CATIP: variants seen among roughly 807,000 people sequenced by gnomAD.
CATIP encodes the protein ciliogenesis-associated TTC17-interacting protein.
Under a neutral mutation model 42.5 loss-of-function variants are expected in CATIP, and 40 were observed. The ratio of observed to expected loss-of-function variants is 0.94; its 90% CI spans 0.73 to 1.22. The LOEUF (loss-of-function observed/expected upper bound fraction) is 1.22, where lower values mean the gene tolerates loss of function less well. CATIP is among the 50% of genes most tolerant of loss of function. CATIP has a pLI of 0.00. For synonymous variants in CATIP, 222 were observed against 200.2 expected, an observed-to-expected ratio of 1.11 and a Z score of -0.92; for missense variants, 489 against 496.0, an observed-to-expected ratio of 0.99 and a Z score of 0.13.
At chr2:218,364,035 G>C (rs879583874) in intron 6 of CATIP, among the ~76,000 whole-genome samples, 10 of 152,070 alleles carry the variant, frequency 6.6e-5, no homozygotes, top group Admixed American at 2.0e-4. Context: ...GAGACACTTT[G>C]GGGGCTGATT....
intron 4 of CATIP, among the ~76,000 whole-genome samples, 186 bp downstream of exon 4, chr2:218,358,278 A>G (rs1214289188): frequency 1.3e-5 from 2 of 152,212 alleles, no homozygotes; most frequent in East Asian, 3.8e-4. Context: ...ATTTTAAAAC[A>G]CGGGGGTGGG....
In CATIP at chr2:218,357,940, A is replaced by T; in HGVS notation, c.320-97A>T. 4 of 1,240,560 alleles carry T rather than the reference A, an allele frequency of 3.2e-6. No homozygotes were observed. The East Asian group carries it at 9.3e-5, about 29-fold the overall frequency. The allele number at this position is 1,240,560 out of a possible 1,614,324, so 76.8% of individuals were successfully genotyped here. ...CATCCTGTAGTTTTTCTGGGACCGTATTACACCTAGTCCTCCAGCTGCGCC... is the reference window on the plus strand; with the variant it reads ...CATCCTGTAGTTTTTCTGGGACCGTTTTACACCTAGTCCTCCAGCTGCGCC... On this transcript the variant is annotated intron_variant, in intron 3 of 9. Coordinates refer to ENST00000289388, the MANE Select transcript of CATIP (RefSeq NM_198559.2).
chr2:218,362,561 G>A (rs894279582), intron 5 of CATIP, among the ~76,000 whole-genome samples, 174 bp from the exon 6 acceptor site: 1 of 152,088 alleles, frequency 6.6e-6, no homozygotes, highest in African/African-American at 2.4e-5. Context: ...GAACCAAGGA[G>A]GCGGAGGTTG....
Position 218,362,866 on chromosome 2 carries a change from C to T in CATIP, c.594C>T (p.Thr198=). ...TGCCCAGCAATGCCCGCTTCCTGAC[C>T]TTGGACACCGAGGGCAAACTCTGCT... The part of the protein sequence containing the change: ...RMVPSNARFL[T]LDTEGKLCYL... Residue 198 remains threonine (T), a synonymous_variant, in exon 6 of 10, where the codon ACC becomes ACT. Coordinates refer to ENST00000289388, the MANE Select transcript of CATIP (RefSeq NM_198559.2). 1 of 1,613,908 alleles carries T rather than the reference C, an allele frequency of 6.2e-7. No homozygotes were observed. Among genetic ancestry groups the T allele is most frequent in the Non-Finnish European group, 8.5e-7 (1 of 1,179,958 alleles).
In CATIP at chr2:218,367,755, C is replaced by A. The variant is rs753529685; in HGVS notation, c.955C>A (p.Arg319=). 1 of 1,608,562 alleles carries A rather than the reference C, an allele frequency of 6.2e-7. No individual in the cohort carries two copies. The highest frequency in any genetic ancestry group is 1.7e-5 in the Admixed American group (1 of 59,766). Residue 319 remains arginine, a synonymous_variant, in exon 10 of 10, where the codon CGG becomes AGG. Coordinates refer to ENST00000289388, the MANE Select transcript of CATIP (RefSeq NM_198559.2). ...CCGGCTCGGCCACGCCAGCTATCTG[C>A]GGCAGCACCCCGAAGCCCACGCGCT... ...ELRLGHASYL[R]QHPEAHALIS... is the part of the protein sequence containing the mutation.
intron 3 of CATIP, 63 bp from the exon 4 acceptor site, chr2:218,357,974 C>A: frequency 6.7e-7 from 1 of 1,490,212 alleles, no homozygotes; most frequent in Non-Finnish European, 9.4e-7. Flanking sequence ...CCACCACCTT[C>A]CCTTCCTTCA....
At chr2:218,363,248 A>G (rs978575078) in intron 6 of CATIP, among the ~76,000 whole-genome samples, 4 of 152,052 alleles carry the variant, frequency 2.6e-5, no homozygotes, top group African/African-American at 7.2e-5. Flanking sequence ...TGGGAGGCCA[A>G]GGCGGGCCGA....
At chr2:218,364,374 C>T (rs1175766589) in intron 6 of CATIP, among the ~76,000 whole-genome samples, 3 of 152,134 alleles carry the variant, frequency 2.0e-5, no homozygotes, top group Non-Finnish European at 2.9e-5. Flanking sequence ...CCCCGCATAC[C>T]GCTTCTCATC....
rs746709193 is a variant in CATIP at position 218,362,758 on chromosome 2, T to C, written c.486T>C (p.Ser162=). The C allele has an allele frequency of 1.2e-6, 2 of 1,614,112 alleles. No individual in the cohort carries two copies. Among genetic ancestry groups the C allele is most frequent in the Non-Finnish European group, 1.7e-6 (2 of 1,180,008 alleles). ...EGEEVKTGVT[S]FPWSSIKGFI... is the part of the protein sequence containing the mutation. ...AGGAAGTGAAGACTGGAGTGACTTC[T>C]TTCCCCTGGAGCTCAATCAAGGGCT... Residue 162 remains serine, a synonymous_variant, in exon 6 of 10, where the codon TCT becomes TCC. Transcript: ENST00000289388.
chr2:218,367,722 G>A lies in CATIP; in HGVS notation c.922G>A (p.Glu308Lys). The A allele has an allele frequency of 2.5e-6, 4 of 1,594,482 alleles. No homozygotes were observed. Among genetic ancestry groups the A allele is most frequent in the South Asian group, 1.1e-5 (1 of 89,366 alleles). ...AGGCTCGGGCTCTGTCCCCTGCCAG[G>A]AGGAGCTCCGGCTCGGCCACGCCAG... ...ELYSKFLDRK[E>K]ELRLGHASYL... Residue 308 changes from glutamate (E) to lysine (K), a missense_variant and splice_region_variant, in exon 10 of 10, where the codon GAG (glutamate) becomes AAG (lysine). By Grantham distance (56) the Glu-to-Lys change is moderately conservative. Transcript: ENST00000289388.
At chr2:218,358,603 G>A (rs915493019) in intron 4 of CATIP, among the ~76,000 whole-genome samples, 4 of 152,008 alleles carry the variant, frequency 2.6e-5, no homozygotes, top group African/African-American at 9.7e-5. Flanking sequence ...CAGGCACAAT[G>A]GCTCAAGCCT....
chr2:218,367,341 C>A, intron 8 of CATIP, 89 bp from the exon 9 acceptor site: 1 of 1,238,634 alleles, frequency 8.1e-7, no homozygotes, highest in Non-Finnish European at 1.2e-6. Flanking sequence ...TTCACCTGAG[C>A]CTTCTGTTTG....
In CATIP at chr2:218,368,016, G is replaced by C. The variant is rs749165028; in HGVS notation, c.*52G>C. ...GAAACCAGGGGTCGGGCTGGGACGC[G>C]GGCGGGACGCGCCGGGGCGGGTGCG... is the stretch of plus-strand genomic sequence containing the variant. On this transcript the variant is annotated 3_prime_UTR_variant, in exon 10 of 10. Coordinates refer to ENST00000289388, the MANE Select transcript of CATIP (RefSeq NM_198559.2). 6.2e-6 allele frequency: 9 copies of C among 1,456,350 alleles called. No individual in the cohort carries two copies. In the Admixed American group the frequency reaches 1.1e-4, roughly 17 times the overall value. 90.2% of individuals were successfully genotyped at this position (1,456,350 alleles called of 1,614,324 possible).
intron 8 of CATIP, 119 bp from the exon 9 acceptor site, chr2:218,367,311 T>A: frequency 1.0e-6 from 1 of 970,750 alleles, no homozygotes; most frequent in Non-Finnish European, 1.6e-6. Context: ...ACTCTGCCCA[T>A]GTGGGCAGAA....
intron 3 of CATIP, 79 bp from the exon 4 acceptor site, chr2:218,357,958 G>C (rs766124880): frequency 2.2e-6 from 3 of 1,377,400 alleles, no homozygotes; most frequent in Non-Finnish European, 3.1e-6. Flanking sequence ...TAGTCCTCCA[G>C]CTGCGCCACC....
In CATIP at chr2:218,357,283, C is replaced by CTG. The variant is rs1553517424; in HGVS notation, c.118+97_118+98insGT. ...AGTCTCTCTCTCTCTCTCTCTCTCT[C>CTG]TCTCTCTTCCTTGATTCTCCTGGGA... On this transcript the variant is annotated intron_variant, in intron 2 of 9. Coordinates refer to ENST00000289388, the MANE Select transcript of CATIP (RefSeq NM_198559.2). 3.4e-6 allele frequency: 3 copies of CTG among 880,278 alleles called. No individual in the cohort carries two copies. In the East Asian group the frequency reaches 7.8e-5, roughly 23 times the overall value. 54.5% of individuals were successfully genotyped at this position (880,278 alleles called of 1,614,324 possible). A position where few individuals can be genotyped will look rare whatever the true frequency, so the allele number is the denominator to read the frequency against.
In CATIP at chr2:218,367,414, CT is replaced by C; in HGVS notation, c.833-14del. The C allele has an allele frequency of 6.2e-7, 1 of 1,613,084 alleles. No homozygotes were observed. The highest frequency in any genetic ancestry group is 1.1e-5 in the South Asian group (1 of 91,052). On this transcript the variant is annotated splice_polypyrimidine_tract_variant and intron_variant, in intron 8 of 9. Coordinates refer to ENST00000289388, the MANE Select transcript of CATIP (RefSeq NM_198559.2). ...TCCGGGGTAGGGACGCCCAGCCTTCCTTGTTCCCCACCTAGATGAGATTGAG... is the reference window on the plus strand; with the variant it reads ...TCCGGGGTAGGGACGCCCAGCCTTCCTGTTCCCCACCTAGATGAGATTGAG...
chr2:218,360,448 C>A (rs1695193839), intron 4 of CATIP, 125 bp from the exon 5 acceptor site: 2 of 717,624 alleles, frequency 2.8e-6, no homozygotes, highest in Non-Finnish European at 2.3e-6. Context: ...CTGTGCCCGG[C>A]CCGGCTGCTT....
Position 218,357,603 on chromosome 2 carries a change from AG to A in CATIP, c.191del (p.Gly64GlufsTer3). The A allele has an allele frequency of 6.2e-7, 1 of 1,614,080 alleles. No homozygotes were observed. Among genetic ancestry groups the A allele is most frequent in the Non-Finnish European group, 8.5e-7 (1 of 1,179,964 alleles). On this transcript the variant is annotated frameshift_variant, in exon 3 of 10. Coordinates refer to ENST00000289388, the MANE Select transcript of CATIP (RefSeq NM_198559.2). LOFTEE classifies it high-confidence loss of function. ...ATGGTCTCAGACACCGGGGAGCCTC[AG>A]GGAGAGCTGACCATTGAGGTGCAGA... is the stretch of plus-strand genomic sequence containing the variant. ...LAMVSDTGEP[Q>X]GELTIEVQRG...
Sources: gnomAD v4.1 joint callset for allele counts (sites outside exome capture counted in the v4.1 genomes callset) on GRCh38, gnomAD v4.1.1 for gene constraint, MANE v1.5 for transcripts, NCBI Gene and HGNC (gene_info 2026-07-23, HGNC 2026-07-21) for gene names.